The following CNGB3 variants were observed in gnomAD, a reference collection of about 807,000 sequenced individuals.
CNGB3 encodes the protein cyclic nucleotide gated channel subunit beta 3.
Under a neutral mutation model 92.8 loss-of-function variants are expected in CNGB3, and 86 were observed. The observed-to-expected ratio is 0.93, with a 90% CI of 0.78 to 1.11. CNGB3 has a LOEUF of 1.11. Among genes scored for constraint, CNGB3 ranks in the 50% least tolerant of loss-of-function variants. The pLI, the probability that CNGB3 is intolerant of heterozygous loss-of-function variation, is 0.00. For missense variants in CNGB3, 1,026 were observed against 956.8 expected (o/e 1.07, Z -0.95); for synonymous variants, 333 against 332.7 (o/e 1.00, Z -0.01).
intron 1 of CNGB3, among the ~76,000 whole-genome samples, chr8:86,740,040 G>C (rs1401978636): frequency 2.0e-5 from 3 of 152,116 alleles, no homozygotes; most frequent in East Asian, 3.9e-4. Flanking sequence ...GTCTTTAGTG[G>C]TAGAACTTAA....
At chr8:86,587,491 AT>A (rs1253810391) in intron 15 of CNGB3, among the ~76,000 whole-genome samples, 2 of 152,134 alleles carry the variant, frequency 1.3e-5, no homozygotes, top group Non-Finnish European at 2.9e-5. Flanking sequence ...TAAGTCTTTA[AT>A]CCATATTGAA....
At chr8:86,657,375 C>A in intron 6 of CNGB3, 1 of 451,392 alleles carries the variant, frequency 2.2e-6, no homozygotes, top group South Asian at 1.8e-5. Flanking sequence ...TGACAGTGGC[C>A]GGCTTTTAGA....
chr8:86,579,082 C>G (rs1302234276), intron 16 of CNGB3, 24 bp downstream of exon 16: 1 of 1,614,088 alleles, frequency 6.2e-7, no homozygotes. Flanking sequence ...CCATCCATCT[C>G]TAATGGTGTT....
chr8:86,580,061 T>C (rs930098019), intron 15 of CNGB3, among the ~76,000 whole-genome samples: 1 of 152,048 alleles, frequency 6.6e-6, no homozygotes, highest in Non-Finnish European at 1.5e-5. Context: ...AAACATACGG[T>C]CATGGTGGAA....
chr8:86,662,475 C>A (rs1482924505), intron 6 of CNGB3, among the ~76,000 whole-genome samples: 2 of 152,168 alleles, frequency 1.3e-5, no homozygotes, highest in Admixed American at 6.6e-5. Context: ...GTGTGGACAA[C>A]CATTCATTTA....
chr8:86,581,633 A>G (rs1443772821), intron 15 of CNGB3, among the ~76,000 whole-genome samples: 2 of 152,130 alleles, frequency 1.3e-5, no homozygotes, highest in Admixed American at 1.3e-4. Context: ...TCTAAGGGAG[A>G]TGGAAAGCTA....
intron 8 of CNGB3, among the ~76,000 whole-genome samples, chr8:86,645,577 A>G (rs1563738772): frequency 6.6e-6 from 1 of 151,326 alleles, no homozygotes; most frequent in Non-Finnish European, 1.5e-5. Context: ...AAGGGACTGC[A>G]GAGATTACTT....
intron 3 of CNGB3, among the ~76,000 whole-genome samples, chr8:86,705,162 A>G (rs748320475): frequency 1.8e-4 from 27 of 152,192 alleles, no homozygotes; most frequent in Non-Finnish European, 2.9e-4. Context: ...TCCTTTGCCA[A>G]TATTTCACTT....
intron 15 of CNGB3, among the ~76,000 whole-genome samples, chr8:86,591,080 T>A (rs1411452278): frequency 1.3e-5 from 2 of 152,080 alleles, no homozygotes; most frequent in Non-Finnish European, 2.9e-5. Context: ...CTTGCTTCAT[T>A]TCATTCATTT....
At chr8:86,585,686 G>A (rs1204050939) in intron 15 of CNGB3, among the ~76,000 whole-genome samples, 2 of 152,180 alleles carry the variant, frequency 1.3e-5, no homozygotes, top group Admixed American at 6.6e-5. Flanking sequence ...TGGATCCAGA[G>A]TTGGCTTAAA....
chr8:86,730,778 T>G (rs889681606), intron 2 of CNGB3, among the ~76,000 whole-genome samples: 1 of 152,238 alleles, frequency 6.6e-6, no homozygotes, highest in African/African-American at 2.4e-5. Flanking sequence ...TATAATACTT[T>G]AATCACACTT....
intron 15 of CNGB3, among the ~76,000 whole-genome samples, chr8:86,591,623 C>T (rs1051487347): frequency 2.6e-5 from 4 of 152,172 alleles, no homozygotes; most frequent in Non-Finnish European, 5.9e-5. Flanking sequence ...TGTGCCCCTG[C>T]TGGAGGGTGC....
chr8:86,583,020 C>T (rs1362684862), intron 15 of CNGB3, among the ~76,000 whole-genome samples: 2 of 5,506 alleles, frequency 3.6e-4, no homozygotes, highest in Non-Finnish European at 8.0e-4. Flanking sequence ...ACTGCAACCT[C>T]TGCTTCCTGT....
intron 3 of CNGB3, among the ~76,000 whole-genome samples, chr8:86,709,309 T>C (rs997925407): frequency 2.0e-5 from 3 of 152,202 alleles, no homozygotes; most frequent in Admixed American, 6.5e-5. Context: ...CCTCTAATTG[T>C]ACCTATTTTG....
intron 3 of CNGB3, among the ~76,000 whole-genome samples, chr8:86,694,585 G>C (rs940192745): frequency 6.6e-6 from 1 of 151,180 alleles, no homozygotes; most frequent in Non-Finnish European, 1.5e-5. Context: ...TTCTCAGACG[G>C]GGCGGCCGGG....
At position 86,640,773 on chromosome 8, in the gene CNGB3, G is replaced by GT. The variant is rs1477398675; in HGVS notation, c.1178+2977_1178+2978insA. Among the ~76,000 whole-genome samples, 74 of 29,142 alleles carry GT rather than the reference G, an allele frequency of 2.5e-3. No homozygotes were observed. In the African/African-American group the frequency reaches 0.027, roughly 10 times the overall value. The allele number at this position is 29,142 out of a possible 152,430, so 19.1% of individuals were successfully genotyped here. On this transcript the variant is annotated intron_variant, in intron 10 of 17. Coordinates refer to ENST00000320005, the MANE Select transcript of CNGB3 (RefSeq NM_019098.5). ...ATATGGTGAACTTTTTCTCTAAAATGGTTTTGTTTTAAAGCTTATTTTGAC... is the reference window on the plus strand; with the variant it reads ...ATATGGTGAACTTTTTCTCTAAAATGTGTTTTGTTTTAAAGCTTATTTTGAC...
At chr8:86,637,576 T>C (rs1320617085) in intron 10 of CNGB3, among the ~76,000 whole-genome samples, 1 of 152,160 alleles carries the variant, frequency 6.6e-6, no homozygotes, top group African/African-American at 2.4e-5. Flanking sequence ...TATTAATTAT[T>C]CTAGCCCTTG....
intron 15 of CNGB3, among the ~76,000 whole-genome samples, chr8:86,601,141 G>A (rs1412327797): frequency 1.3e-5 from 2 of 152,100 alleles, no homozygotes; most frequent in East Asian, 1.9e-4. Flanking sequence ...AGGATATTCC[G>A]AAGAGAGATG....
chr8:86,702,470 A>T (rs1237385716), intron 3 of CNGB3, among the ~76,000 whole-genome samples: 2 of 152,206 alleles, frequency 1.3e-5, no homozygotes, highest in Non-Finnish European at 2.9e-5. Context: ...TACATTTGAG[A>T]TTATTTATTT....
Sources: gnomAD v4.1 joint callset for allele counts (sites outside exome capture counted in the v4.1 genomes callset) on GRCh38, gnomAD v4.1.1 for gene constraint, MANE v1.5 for transcripts, NCBI Gene and HGNC (gene_info 2026-07-23, HGNC 2026-07-21) for gene names.